Variants in PTK7 observed in about 807,000 individuals in gnomAD.
PTK7 encodes protein tyrosine kinase 7 (inactive).
PTK7 carries 39 observed loss-of-function variants against 116.6 expected under a neutral mutation model. That is an observed-to-expected ratio of 0.33 (90% CI 0.26 to 0.44). The LOEUF (loss-of-function observed/expected upper bound fraction) is 0.44, where lower values mean the gene tolerates loss of function less well. Ranked by LOEUF, PTK7 falls within the 20% of genes least tolerant of loss-of-function variation. The pLI, the probability that PTK7 is intolerant of heterozygous loss-of-function variation, is 1.00. For missense variants in PTK7, 1,169 were observed against 1,425.6 expected (o/e 0.82, Z 2.90); for synonymous variants, 546 against 563.6 (o/e 0.97, Z 0.44).
intron 1 of PTK7, among the ~76,000 whole-genome samples, chr6:43,114,677 T>G (rs1768392623): frequency 6.6e-6 from 1 of 152,138 alleles, no homozygotes; most frequent in Admixed American, 6.6e-5. Context: ...CTAGGAGCCC[T>G]TTTCTCAGCC....
chr6:43,139,456 G>A lies in PTK7; in HGVS notation c.1549G>A (p.Asp517Asn). ...CCAGCCACAGCAGTGCATGGAGTTT[G>A]ACAAGGAGGCCACGGTGCCCTGTTC... ...PPQPQQCMEF[D>N]KEATVPCSAT... Residue 517 changes from aspartate to asparagine, a missense_variant, in exon 10 of 20, where the codon GAC (aspartate) becomes AAC (asparagine). Physicochemically the swap from Asp to Asn is conservative, Grantham distance 23 (BLOSUM62 1). Transcript: ENST00000230419. The surrounding 1 kb of genome is among the most constrained non-coding windows in gnomAD (Gnocchi z 4.6). The A allele has an allele frequency of 6.2e-7, 1 of 1,614,218 alleles. No individual in the cohort carries two copies. Among genetic ancestry groups the A allele is most frequent in the Non-Finnish European group, 8.5e-7 (1 of 1,180,044 alleles).
intron 1 of PTK7, among the ~76,000 whole-genome samples, chr6:43,097,688 T>C (rs561229310): frequency 6.6e-6 from 1 of 152,316 alleles, no homozygotes; most frequent in Admixed American, 6.5e-5. Flanking sequence ...CCCACCTCCA[T>C]GATTACTAAA....
At chr6:43,144,309 C>A in intron 14 of PTK7, 142 bp from the exon 15 acceptor site, 5 of 942,822 alleles carry the variant, frequency 5.3e-6, no homozygotes, top group Non-Finnish European at 1.6e-6. Context: ...ATTATTTCAT[C>A]ATTTGGGCTT....
chr6:43,128,996 C>A lies in PTK7; in HGVS notation c.99C>A (p.Val33=), dbSNP rs1187794465. 3 of 1,611,106 alleles carry A rather than the reference C, an allele frequency of 1.9e-6. No homozygotes were observed. The highest frequency in any genetic ancestry group is 1.7e-5 in the Admixed American group (1 of 59,822). The change falls in exon 2 of 20, where the codon GTC becomes GTA. Residue 33 remains valine, a synonymous_variant. Coordinates refer to ENST00000230419, the MANE Select transcript of PTK7 (RefSeq NM_002821.5). ...PLLGGTQTAI[V]FIKQPSSQDA... is the part of the protein sequence containing the mutation. ...CTACAGGTACCCAGACAGCCATTGTCTTCATCAAGCAGCCGTCCTCCCAGG... is the reference window on the plus strand; with the variant it reads ...CTACAGGTACCCAGACAGCCATTGTATTCATCAAGCAGCCGTCCTCCCAGG...
In PTK7 at chr6:43,138,821, C is replaced by T. The variant is rs1405783655; in HGVS notation, c.1229-28C>T. The T allele has an allele frequency of 5.0e-6, 8 of 1,585,834 alleles. No homozygotes were observed. In the East Asian group the frequency reaches 9.0e-5, roughly 18 times the overall value. On this transcript the variant is annotated intron_variant, in intron 7 of 19. Transcript: ENST00000230419. ...TAGTTTTGGAGACCTGTGAAGCAGC[C>T]TTCACTGTTTCCTTCCTGTCTGTCT...
chr6:43,146,748 C>A (rs770164007), intron 17 of PTK7, 50 bp downstream of exon 17: 1 of 1,522,652 alleles, frequency 6.6e-7, no homozygotes, highest in South Asian at 1.1e-5. Flanking sequence ...AGGGGTGGGC[C>A]AGGAGCAACA....
intron 1 of PTK7, 136 bp from the exon 2 acceptor site, chr6:43,128,841 C>A: frequency 1.2e-6 from 1 of 806,516 alleles, no homozygotes; most frequent in Non-Finnish European, 1.9e-6. Context: ...ATTGTGGCAT[C>A]ATGATCCTTC....
At position 43,076,364 on chromosome 6, in the gene PTK7, G is replaced by GGGCTCC. The variant is rs1765999276; in HGVS notation, c.-120_-115dup. 3.4e-6 allele frequency: 2 copies of GGGCTCC among 596,508 alleles called. No homozygotes were observed. Among genetic ancestry groups the GGGCTCC allele is most frequent in the Non-Finnish European group, 4.7e-6 (2 of 425,598 alleles). 37.0% of individuals were successfully genotyped at this position (596,508 alleles called of 1,614,324 possible). A position where few individuals can be genotyped will look rare whatever the true frequency, so the allele number is the denominator to read the frequency against. On this transcript the variant is annotated 5_prime_UTR_variant, in exon 1 of 20. Transcript: ENST00000230419. The surrounding 1 kb of genome is among the most constrained non-coding windows in gnomAD (Gnocchi z 5.7). ...GGACGCCTCGGGACGCCTCGGGGTC[G>GGGCTCC]GGCTCCGGCTGCGGCTGCTGCTGCG...
chr6:43,077,090 C>G, intron 1 of PTK7: 3 of 1,230,914 alleles, frequency 2.4e-6, no homozygotes, highest in Non-Finnish European at 3.1e-6. Context: ...TTCCCTCCTC[C>G]GAGTTCCTGG....
intron 1 of PTK7, among the ~76,000 whole-genome samples, chr6:43,125,969 A>C (rs1257091542): frequency 6.6e-6 from 1 of 152,120 alleles, no homozygotes; most frequent in Non-Finnish European, 1.5e-5. Context: ...CACACTTCGA[A>C]GGCAGGTGAT....
intron 17 of PTK7, among the ~76,000 whole-genome samples, chr6:43,154,583 TC>T (rs1771311823): frequency 6.6e-6 from 1 of 152,166 alleles, no homozygotes; most frequent in Admixed American, 6.6e-5. Context: ...TGGCTAAGAT[TC>T]CCTAAATTGG....
intron 7 of PTK7, among the ~76,000 whole-genome samples, chr6:43,133,955 T>G (rs1164393048): frequency 2.0e-5 from 3 of 152,230 alleles, no homozygotes; most frequent in Admixed American, 6.5e-5. Context: ...CTCAGGACAC[T>G]CACAGTGCAG....
Position 43,132,127 on chromosome 6 carries a change from C to T in PTK7, c.924C>T (p.Gly308=), listed in dbSNP as rs764859448. 1.2e-6 allele frequency: 2 copies of T among 1,612,880 alleles called. No homozygotes were observed. Among genetic ancestry groups the T allele is most frequent in the South Asian group, 1.1e-5 (1 of 91,018 alleles). Residue 308 remains glycine (G), a synonymous_variant, in exon 6 of 20, where the codon GGC becomes GGT. Coordinates refer to ENST00000230419, the MANE Select transcript of PTK7 (RefSeq NM_002821.5). ...IYRCIGQGQR[G]PPIILEATLH... ...GCTGCATTGGCCAGGGGCAGAGGGGCCCACCCATCATCCTGGAAGCCACAC... is the reference window on the plus strand; with the variant it reads ...GCTGCATTGGCCAGGGGCAGAGGGGTCCACCCATCATCCTGGAAGCCACAC...
At chr6:43,104,485 A>G (rs904045618) in intron 1 of PTK7, among the ~76,000 whole-genome samples, 15 of 152,144 alleles carry the variant, frequency 9.9e-5, no homozygotes, top group African/African-American at 3.1e-4. Flanking sequence ...AGCTAGGCCC[A>G]TTGTAACCTC....
chr6:43,085,639 GT>G, intron 1 of PTK7, among the ~76,000 whole-genome samples: 1 of 151,678 alleles, frequency 6.6e-6, no homozygotes, highest in Non-Finnish European at 1.5e-5. Flanking sequence ...CTTAGAAATG[GT>G]TTTCTCATTT....
At chr6:43,158,024 C>T (rs533144494) in intron 17 of PTK7, among the ~76,000 whole-genome samples, 9 of 151,868 alleles carry the variant, frequency 5.9e-5, no homozygotes, top group African/African-American at 2.2e-4. Flanking sequence ...GGGGGCTGGG[C>T]GCAGTGGCTC....
Position 43,157,383 on chromosome 6 carries a change from T to C in PTK7, c.2722-1434T>C, listed in dbSNP as rs1300633776. ...ATATATATTTTTTTTTTTCTTTTTT[T>C]TTTTTTTTTTTTAATAGAGTCTCAC... On this transcript the variant is annotated intron_variant, in intron 17 of 19. Coordinates refer to ENST00000230419, the MANE Select transcript of PTK7 (RefSeq NM_002821.5). Among the ~76,000 whole-genome samples the C allele has an allele frequency of 2.4e-4, 26 of 109,304 alleles. 1 individual carries two copies. The highest frequency in any genetic ancestry group is 3.2e-4 in the South Asian group (1 of 3,172). The allele number at this position is 109,304 out of a possible 152,430, so 71.7% of individuals were successfully genotyped here.
chr6:43,156,262 AAT>A (rs1771426670), intron 17 of PTK7, among the ~76,000 whole-genome samples: 1 of 148,604 alleles, frequency 6.7e-6, no homozygotes, highest in Non-Finnish European at 1.5e-5. Flanking sequence ...AAAGAATTAA[AAT>A]ATGAGATGTT....
chr6:43,158,716 A>C, intron 17 of PTK7, 101 bp from the exon 18 acceptor site: 1 of 1,302,794 alleles, frequency 7.7e-7, no homozygotes, highest in Non-Finnish European at 1.1e-6. Context: ...CTTCCTACGC[A>C]GCACACCAAT....
Sources: allele counts gnomAD v4.1 joint callset (sites outside exome capture counted in the v4.1 genomes callset), GRCh38; gene constraint gnomAD v4.1.1; non-coding constraint Gnocchi (gnomAD v3.1); transcripts MANE v1.5; gene names NCBI Gene and HGNC (gene_info 2026-07-23, HGNC 2026-07-21).